ZNF530: variants seen among roughly 807,000 people sequenced by gnomAD.
The protein encoded by ZNF530 is zinc finger protein 530.
In ZNF530, 5 loss-of-function variants were observed where a neutral mutation model predicts 2.8. The observed-to-expected ratio is 1.80, with a 90% CI of 0.94 to 3.78. The LOEUF is 3.78. Ranked by LOEUF, ZNF530 falls within the 30% of genes most tolerant of loss-of-function variation. The pLI is 0.00. For missense variants in ZNF530, 619 were observed against 673.3 expected, an observed-to-expected ratio of 0.92 and a Z score of 0.89; for synonymous variants, 229 against 235.0, an observed-to-expected ratio of 0.97 and a Z score of 0.23.
rs763114530 is a variant in ZNF530 at position 57,605,854 on chromosome 19, A to C, written c.230A>C (p.His77Pro). The change falls in exon 4 of 4, where the codon CAT becomes CCT. Residue 77 changes from histidine (H) to proline (P), a missense_variant. Transcript: ENST00000597700. The part of the protein sequence containing the change: ...LRDILQMIEL[H>P]ASPCGQKLYL... ...GACATTTTACAAATGATTGAGCTCCATGCCTCACCCTGTGGACAGAAATTG... is the reference window on the plus strand; with the variant it reads ...GACATTTTACAAATGATTGAGCTCCCTGCCTCACCCTGTGGACAGAAATTG... 8.1e-6 allele frequency: 13 copies of C among 1,614,182 alleles called. No individual in the cohort carries two copies. The highest frequency in any genetic ancestry group is 1.1e-5 in the Non-Finnish European group (13 of 1,180,038).
rs1980775274 is a variant in ZNF530, at chr19:57,609,450, C to A, written c.*2125C>A. ...GACCAGCCTGGTCAACATGGCGAAA[C>A]CCTGTCTCTACTAAAAGTACAAAAA... On this transcript the variant is annotated 3_prime_UTR_variant, in exon 4 of 4. Coordinates refer to ENST00000597700, the MANE Select transcript of ZNF530 (RefSeq NM_001321981.2). Among the ~76,000 whole-genome samples the A allele has an allele frequency of 1.3e-5, 2 of 152,096 alleles. No homozygotes were observed. Among genetic ancestry groups the A allele is most frequent in the African/African-American group, 4.8e-5 (2 of 41,406 alleles).
At chr19:57,605,229 A>T (rs1361359203) in intron 3 of ZNF530, 1 of 153,474 alleles carries the variant, frequency 6.5e-6, no homozygotes. Flanking sequence ...TCTGGCCTCC[A>T]TGTGTCACCT....
In ZNF530 at chr19:57,606,328, A is replaced by G; in HGVS notation, c.704A>G (p.Glu235Gly). ...RKAHGRTRTH[E>G]CSECGKSFSR... ...GCACACGGTAGAACAAGGACTCATG[A>G]ATGTAGTGAATGTGGGAAATCATTT... The change falls in exon 4 of 4, where the codon GAA (glutamate) becomes GGA (glycine). Residue 235 changes from glutamate to glycine, a missense_variant. By Grantham distance (98) the Glu-to-Gly change is moderately conservative. Coordinates refer to ENST00000597700, the MANE Select transcript of ZNF530 (RefSeq NM_001321981.2). The G allele has an allele frequency of 6.2e-7, 1 of 1,614,180 alleles. No individual in the cohort carries two copies. The highest frequency in any genetic ancestry group is 8.5e-7 in the Non-Finnish European group (1 of 1,180,034).
At position 57,607,851 on chromosome 19, in the gene ZNF530, A is replaced by G. The variant is rs77381064; in HGVS notation, c.*526A>G. 0.082 allele frequency: 13,563 copies of G among 164,566 alleles called. 572 individuals are homozygous for G. Among genetic ancestry groups the G allele is most frequent in the East Asian group, 0.094 (532 of 5,650 alleles). 10.2% of individuals were successfully genotyped at this position (164,566 alleles called of 1,614,324 possible). On this transcript the variant is annotated 3_prime_UTR_variant, in exon 4 of 4. Coordinates refer to ENST00000597700, the MANE Select transcript of ZNF530 (RefSeq NM_001321981.2). ...AGGTATGTGGGAAGCATGTGTAGCTATGTTGTACTCTCTAAACCTGCCCAG... is the reference window on the plus strand; with the variant it reads ...AGGTATGTGGGAAGCATGTGTAGCTGTGTTGTACTCTCTAAACCTGCCCAG...
chr19:57,610,412 A>ATATGTG (rs756027774), downstream of ZNF530, among the ~76,000 whole-genome samples: 1,068 of 147,246 alleles, frequency 7.3e-3, 7 homozygotes, highest in African/African-American at 0.016. Context: ...AAGTGTACAT[A>ATATGTG]TGTGTGTGTG....
intron 2 of ZNF530, 111 bp from the exon 3 acceptor site, chr19:57,604,166 C>T (rs369274196): frequency 3.5e-5 from 52 of 1,494,390 alleles, no homozygotes; most frequent in African/African-American, 2.8e-5. Flanking sequence ...CTGTTGTATT[C>T]GCTGAGGTGG....
downstream of ZNF530, among the ~76,000 whole-genome samples, chr19:57,611,269 T>C (rs1440230945): frequency 6.6e-6 from 1 of 152,154 alleles, no homozygotes; most frequent in Non-Finnish European, 1.5e-5. Flanking sequence ...AGTGAGAGTT[T>C]ATTAAAATGT....
Position 57,606,896 on chromosome 19 carries a change from C to T in ZNF530, c.1272C>T (p.His424=), listed in dbSNP as rs1286933612. The T allele has an allele frequency of 6.2e-7, 1 of 1,613,510 alleles. No individual in the cohort carries two copies. Among genetic ancestry groups the T allele is most frequent in the Non-Finnish European group, 8.5e-7 (1 of 1,179,868 alleles). ...GCCTCTTTCGACACAGAAGAGCTCA[C>T]ACTAAAACAAAGCCTTATGAGTGCA... ...SSGLFRHRRA[H]TKTKPYECSE... is the part of the protein sequence containing the mutation. The change falls in exon 4 of 4, where the codon CAC becomes CAT. Residue 424 remains histidine (H), a synonymous_variant. Coordinates refer to ENST00000597700, the MANE Select transcript of ZNF530 (RefSeq NM_001321981.2).
In ZNF530 at chr19:57,605,685, G is replaced by A; in HGVS notation, c.62-1G>A. On this transcript the variant is annotated splice_acceptor_variant, in intron 3 of 3. Transcript: ENST00000597700. LOFTEE classifies it high-confidence loss of function. ...TTTTCTCAGCATTTCTCTTCTTTCA[G>A]GTTGCTGGTGTGGAGCAGTAGATGA... 3 of 1,584,740 alleles carry A rather than the reference G, an allele frequency of 1.9e-6. No homozygotes were observed. Among genetic ancestry groups the A allele is most frequent in the Non-Finnish European group, 2.6e-6 (3 of 1,164,466 alleles).
Position 57,600,036 on chromosome 19 carries a change from T to G in ZNF530, c.-220T>G. 1.4e-6 allele frequency: 2 copies of G among 1,456,274 alleles called. No individual in the cohort carries two copies. The highest frequency in any genetic ancestry group is 1.8e-6 in the Non-Finnish European group (2 of 1,084,306). The allele number at this position is 1,456,274 out of a possible 1,614,324, so 90.2% of individuals were successfully genotyped here. On this transcript the variant is annotated 5_prime_UTR_variant, in exon 1 of 4. Transcript: ENST00000597700. ...GCCGGGGCCTGACGGTCGCCGGCGG[T>G]GGTGACAGCTTTGCTCTTGTCTCCG...
At position 57,604,230 on chromosome 19, in the gene ZNF530, G is replaced by A. The variant is rs748610427; in HGVS notation, c.-69-47G>A. The stretch of plus-strand genomic sequence containing the variant: ...TGGATGTTTGGGGGAATCAACTTGG[G>A]GTCCTAGGAAAGATGCTGACCATGG... On this transcript the variant is annotated intron_variant, in intron 2 of 3. Transcript: ENST00000597700. The A allele has an allele frequency of 4.7e-5, 76 of 1,612,072 alleles. 3 individuals are homozygous for A. The South Asian group carries it at 7.7e-4, about 16-fold the overall frequency.
At position 57,605,797 on chromosome 19, in the gene ZNF530, A is replaced by T. The variant is rs774737119; in HGVS notation, c.173A>T (p.His58Leu). 1.2e-6 allele frequency: 2 copies of T among 1,614,158 alleles called. No individual in the cohort carries two copies. The highest frequency in any genetic ancestry group is 1.7e-6 in the Non-Finnish European group (2 of 1,180,030). Reference sequence around the variant, plus strand: ...GCAGATACATCCACTGATAAGAGTCACCCCTGTGAGATTTGTACCCCAGTC... The same window carrying T: ...GCAGATACATCCACTGATAAGAGTCTCCCCTGTGAGATTTGTACCCCAGTC... ...PKADTSTDKSHPCEICTPVLR... is the reference protein window; with the variant it reads ...PKADTSTDKSLPCEICTPVLR... The change falls in exon 4 of 4, where the codon CAC becomes CTC. Residue 58 changes from histidine (H) to leucine (L), a missense_variant. His to Leu is a moderately conservative substitution (Grantham distance 99). Coordinates refer to ENST00000597700, the MANE Select transcript of ZNF530 (RefSeq NM_001321981.2).
chr19:57,600,150 T>C lies in ZNF530; in HGVS notation c.-122+16T>C, dbSNP rs761743461. 26 of 1,565,682 alleles carry C rather than the reference T, an allele frequency of 1.7e-5. No homozygotes were observed. The highest frequency in any genetic ancestry group is 1.1e-5 in the Non-Finnish European group (13 of 1,154,092). ...CCCGACCCAGGTGAGCGCTGCGTCC[T>C]CCCGGCCTCCTCTGCCCTCCCCACC... On this transcript the variant is annotated intron_variant, in intron 1 of 3. Transcript: ENST00000597700.
rs1213695862 is a variant in ZNF530 at position 57,605,784 on chromosome 19, A to G, written c.160A>G (p.Thr54Ala). Residue 54 changes from threonine (T) to alanine (A), a missense_variant, in exon 4 of 4, where the codon ACT becomes GCT. Thr to Ala is a moderately conservative substitution (Grantham distance 58, BLOSUM62 0). Transcript: ENST00000597700. ...QGRTPKADTS[T>A]DKSHPCEICT... Reference sequence around the variant, plus strand: ...CAGGACTCCAAAGGCAGATACATCCACTGATAAGAGTCACCCCTGTGAGAT... The same window carrying G: ...CAGGACTCCAAAGGCAGATACATCCGCTGATAAGAGTCACCCCTGTGAGAT... 1 of 1,614,212 alleles carries G rather than the reference A, an allele frequency of 6.2e-7. No homozygotes were observed. Among genetic ancestry groups the G allele is most frequent in the Admixed American group, 1.7e-5 (1 of 60,032 alleles).
At position 57,607,398 on chromosome 19, in the gene ZNF530, G is replaced by A. The variant is rs1980642774; in HGVS notation, c.*73G>A. ...TTTTGCTCGTCACCCAGGCTGGAGT[G>A]CAATTGTGCAATCTCAGCTCACTGC... On this transcript the variant is annotated 3_prime_UTR_variant, in exon 4 of 4. Coordinates refer to ENST00000597700, the MANE Select transcript of ZNF530 (RefSeq NM_001321981.2). The A allele has an allele frequency of 7.0e-7, 1 of 1,435,280 alleles. No individual in the cohort carries two copies. Among genetic ancestry groups the A allele is most frequent in the Admixed American group, 2.2e-5 (1 of 45,186 alleles). 88.9% of individuals were successfully genotyped at this position (1,435,280 alleles called of 1,614,324 possible).
At chr19:57,610,420 G>A (rs368257628), downstream of ZNF530, among the ~76,000 whole-genome samples, 16,754 of 148,986 alleles carry the variant, frequency 0.11, 973 homozygotes, top group Middle Eastern at 0.21. Flanking sequence ...ATATGTGTGT[G>A]TGTGTGTGTG....
chr19:57,611,085 T>C (rs1425697210), downstream of ZNF530, among the ~76,000 whole-genome samples: 3 of 152,190 alleles, frequency 2.0e-5, no homozygotes, highest in Non-Finnish European at 4.4e-5. Flanking sequence ...TATCTAACTC[T>C]TACTCACCAA....
chr19:57,607,433 C>T lies in ZNF530; in HGVS notation c.*108C>T. On this transcript the variant is annotated 3_prime_UTR_variant, in exon 4 of 4. Transcript: ENST00000597700. ...AATCTCAGCTCACTGCAACCTCCGC[C>T]TCCTGGGATCAAGTGATTCTCCTGC... The T allele has an allele frequency of 9.0e-7, 1 of 1,117,256 alleles. No homozygotes were observed. The highest frequency in any genetic ancestry group is 2.7e-5 in the Admixed American group (1 of 36,396). 69.2% of individuals were successfully genotyped at this position (1,117,256 alleles called of 1,614,324 possible).
At chr19:57,612,444 C>A, downstream of ZNF530, 1 of 400,570 alleles carries the variant, frequency 2.5e-6, no homozygotes, top group South Asian at 1.3e-4. Context: ...TACAGCATCC[C>A]TGTTCACCTT....
Sources: allele counts gnomAD v4.1 joint callset (sites outside exome capture counted in the v4.1 genomes callset), GRCh38; gene constraint gnomAD v4.1.1; transcripts MANE v1.5; gene names NCBI Gene and HGNC (gene_info 2026-07-23, HGNC 2026-07-21).